RHOU: variants seen among roughly 807,000 people sequenced by gnomAD.
RHOU encodes ras homolog family member U, also known as rho-related GTP-binding protein RhoU.
In RHOU, 8 loss-of-function variants were observed where a neutral mutation model predicts 12.6. That is an observed-to-expected ratio of 0.64 (90% CI 0.37 to 1.15). The LOEUF (loss-of-function observed/expected upper bound fraction) is 1.15. Ranked by LOEUF, RHOU falls within the 50% of genes most tolerant of loss-of-function variation. The probability of loss-of-function intolerance (pLI) is 0.01; values close to 1 mark genes in which losing one functional copy is unlikely to be tolerated. For synonymous variants in RHOU, 161 were observed against 147.4 expected (o/e 1.09, Z -0.67); for missense variants, 258 against 347.0 (o/e 0.74, Z 2.04).
chr1:228,707,339 C>T, the RHOU span, among the ~76,000 whole-genome samples: 168 of 139,720 alleles, frequency 1.2e-3, 2 homozygotes, highest in Middle Eastern at 0.011. Flanking sequence ...GCAAGATGGC[C>T]GAATAGGAAC....
intron 1 of RHOU, among the ~76,000 whole-genome samples, chr1:228,736,213 G>A (rs1350752298): frequency 2.0e-5 from 3 of 149,880 alleles, no homozygotes; most frequent in Non-Finnish European, 1.5e-5. Flanking sequence ...GGACCACGGC[G>A]GAGTGGGCTT....
At chr1:228,695,880 G>T in the RHOU span, among the ~76,000 whole-genome samples, 1 of 152,140 alleles carries the variant, frequency 6.6e-6, no homozygotes, top group Non-Finnish European at 1.5e-5. Flanking sequence ...GAGATTGGGG[G>T]ATGGCGCTGA....
At chr1:228,713,947 T>G in the RHOU span, among the ~76,000 whole-genome samples, 1 of 151,822 alleles carries the variant, frequency 6.6e-6, no homozygotes, top group Non-Finnish European at 1.5e-5. Context: ...CATTTGGTCA[T>G]GGAAGTCTTC....
the RHOU span, among the ~76,000 whole-genome samples, chr1:228,671,281 A>G: frequency 6.6e-6 from 1 of 152,200 alleles, no homozygotes; most frequent in South Asian, 2.1e-4. Context: ...CTAGGATTAC[A>G]GGTGTGAGCC....
chr1:228,706,574 A>G, the RHOU span, among the ~76,000 whole-genome samples: 1 of 152,222 alleles, frequency 6.6e-6, no homozygotes, highest in Non-Finnish European at 1.5e-5. Flanking sequence ...ATTAGGTTAC[A>G]GTTCATTATG....
the RHOU span, among the ~76,000 whole-genome samples, chr1:228,676,617 G>A: frequency 2.0e-5 from 3 of 152,352 alleles, 1 homozygote; most frequent in South Asian, 4.1e-4. Context: ...CAACAAGGCT[G>A]TTTATTTCAC....
upstream of RHOU, among the ~76,000 whole-genome samples, chr1:228,730,604 C>T (rs1662476762): frequency 6.6e-6 from 1 of 152,218 alleles, no homozygotes; most frequent in Admixed American, 6.5e-5. Flanking sequence ...TGGGAGCAGA[C>T]AGCCATGCTG....
In RHOU at chr1:228,745,080, C is replaced by T. The variant is rs1172104620; in HGVS notation, c.*1340C>T. 5 of 152,238 alleles carry T rather than the reference C, an allele frequency of 3.3e-5. No homozygotes were observed. Among genetic ancestry groups the T allele is most frequent in the Non-Finnish European group, 5.9e-5 (4 of 68,064 alleles). The allele number at this position is 152,238 out of a possible 1,614,324, so 9.4% of individuals were successfully genotyped here. On this transcript the variant is annotated 3_prime_UTR_variant, in exon 3 of 3. Transcript: ENST00000366691. ...AGCAGAGGCCAGTGGACTCTGAGGA[C>T]TCCTGAGGGGCGGGGCGTGTAGCCA... is the stretch of plus-strand genomic sequence containing the variant.
chr1:228,667,011 A>ATTG, the RHOU span, among the ~76,000 whole-genome samples: 1 of 152,082 alleles, frequency 6.6e-6, no homozygotes, highest in Admixed American at 6.5e-5. Flanking sequence ...TATTATTATT[A>ATTG]TTTTTTAACT....
the RHOU span, among the ~76,000 whole-genome samples, chr1:228,697,575 T>A: frequency 1.3e-5 from 2 of 152,178 alleles, no homozygotes; most frequent in South Asian, 2.1e-4. Flanking sequence ...AATAGGTTTA[T>A]CGTGCTGACT....
At chr1:228,646,782 G>C in the RHOU span, among the ~76,000 whole-genome samples, 3 of 151,978 alleles carry the variant, frequency 2.0e-5, 1 homozygote, top group South Asian at 6.2e-4. Flanking sequence ...ACCCGCACGC[G>C]AGCACGGGTG....
chr1:228,681,410 G>T, the RHOU span, among the ~76,000 whole-genome samples: 8 of 152,148 alleles, frequency 5.3e-5, no homozygotes, highest in Middle Eastern at 0.014. Flanking sequence ...GAGGTGAGGG[G>T]TCAGATGGGT....
rs1204980319 is a variant in RHOU at position 228,738,618 on chromosome 1, GC to G, written c.321+893del. ...TTTATGAAGGCACTGGCTTTCCACT[GC>G]CCCCCAGAGCCTCATCTACGCCAGA... On this transcript the variant is annotated intron_variant, in intron 2 of 2. Coordinates refer to ENST00000366691, the MANE Select transcript of RHOU (RefSeq NM_021205.6). The surrounding 1 kb of genome is among the most constrained non-coding windows in gnomAD (Gnocchi z 4.2). Among the ~76,000 whole-genome samples, 2 of 152,138 alleles carry G rather than the reference GC, an allele frequency of 1.3e-5. No individual in the cohort carries two copies. The highest frequency in any genetic ancestry group is 2.9e-5 in the Non-Finnish European group (2 of 68,026).
At chr1:228,682,750 C>A in the RHOU span, among the ~76,000 whole-genome samples, 1 of 152,096 alleles carries the variant, frequency 6.6e-6, no homozygotes, top group African/African-American at 2.4e-5. Context: ...AACATAGAAA[C>A]AGAAAACCGG....
At chr1:228,652,309 C>T in the RHOU span, 1 of 152,230 alleles carries the variant, frequency 6.6e-6, no homozygotes, top group Non-Finnish European at 1.5e-5. Context: ...CTTCAAGCCA[C>T]TGACTTCTGG....
chr1:228,675,717 A>G, the RHOU span, among the ~76,000 whole-genome samples: 1 of 152,264 alleles, frequency 6.6e-6, no homozygotes, highest in Non-Finnish European at 1.5e-5. Flanking sequence ...TGGATTTCAT[A>G]TATGAAAACT....
the RHOU span, among the ~76,000 whole-genome samples, chr1:228,648,987 C>T: frequency 6.6e-6 from 1 of 152,100 alleles, no homozygotes; most frequent in Non-Finnish European, 1.5e-5. Context: ...CCTCAGCCTC[C>T]CGAGTACCTT....
At chr1:228,696,171 T>TGCTTTTCTCTTTCCCC in the RHOU span, among the ~76,000 whole-genome samples, 1 of 152,192 alleles carries the variant, frequency 6.6e-6, no homozygotes, top group South Asian at 2.1e-4. Flanking sequence ...ATGTTTTCCC[T>TGCTTTTCTCTTTCCCC]GCTTTTCTCT....
Position 228,735,766 on chromosome 1 carries a change from C to A in RHOU, c.24C>A (p.Pro8=). The change falls in exon 1 of 3, where the codon CCC becomes CCA. Residue 8 remains proline (P), a synonymous_variant. Transcript: ENST00000366691. The surrounding 1 kb of genome is among the most constrained non-coding windows in gnomAD (Gnocchi z 8.1). MPPQQGD[P]AFPDRCEAPP... ...CGATGCCCCCGCAGCAGGGGGACCCCGCGTTCCCCGACCGCTGCGAGGCGC... is the reference window on the plus strand; with the variant it reads ...CGATGCCCCCGCAGCAGGGGGACCCAGCGTTCCCCGACCGCTGCGAGGCGC... 8.3e-7 allele frequency: 1 copy of A among 1,210,372 alleles called. No homozygotes were observed. The highest frequency in any genetic ancestry group is 1.0e-6 in the Non-Finnish European group (1 of 975,062). 75.0% of individuals were successfully genotyped at this position (1,210,372 alleles called of 1,614,324 possible).
Sources: allele counts gnomAD v4.1 joint callset (sites outside exome capture counted in the v4.1 genomes callset), GRCh38; gene constraint gnomAD v4.1.1; non-coding constraint Gnocchi (gnomAD v3.1); transcripts MANE v1.5; gene names NCBI Gene and HGNC (gene_info 2026-07-23, HGNC 2026-07-21).